Variants in TEPSIN observed in about 807,000 individuals in gnomAD.
The protein encoded by TEPSIN is TEPSIN adaptor related protein complex 4 accessory protein.
In TEPSIN, 50 loss-of-function variants were observed where a neutral mutation model predicts 48.5. That is an observed-to-expected ratio of 1.03 (90% CI 0.82 to 1.31). The LOEUF (loss-of-function observed/expected upper bound fraction) is 1.31, where lower values mean the gene tolerates loss of function less well. Ranked by LOEUF, TEPSIN falls within the 50% of genes most tolerant of loss-of-function variation. The probability of loss-of-function intolerance (pLI) is 0.00; values close to 1 mark genes in which losing one functional copy is unlikely to be tolerated. For missense variants in TEPSIN, 838 were observed against 815.9 expected, an observed-to-expected ratio of 1.03 and a Z score of -0.33; for synonymous variants, 392 against 358.8, an observed-to-expected ratio of 1.09 and a Z score of -1.05.
At position 81,233,870 on chromosome 17, in the gene TEPSIN, A is replaced by G. The variant is rs2062671664; in HGVS notation, c.375+111T>C. ...GTGTCCACCAGCAAGGAGCAGAGGCAGGGGTCCCGGATGGGAGAACTGCAA... is the reference window on the plus strand; with the variant it reads ...GTGTCCACCAGCAAGGAGCAGAGGCGGGGGTCCCGGATGGGAGAACTGCAA... On this transcript the variant is annotated intron_variant, in intron 5 of 12. Coordinates refer to ENST00000637944, the MANE Select transcript of TEPSIN (RefSeq NM_001363764.2). This position sits in a 1 kb window ranked among gnomAD's most constrained non-coding sequence, Gnocchi z 5.8. 1.4e-6 allele frequency: 2 copies of G among 1,385,834 alleles called. No homozygotes were observed. Among genetic ancestry groups the G allele is most frequent in the African/African-American group, 1.5e-5 (1 of 68,554 alleles). The allele number at this position is 1,385,834 out of a possible 1,614,324, so 85.8% of individuals were successfully genotyped here.
Position 81,233,936 on chromosome 17 carries a change from CA to C in TEPSIN, c.375+44del, listed in dbSNP as rs748010432. 6.4e-7 allele frequency: 1 copy of C among 1,570,974 alleles called. No homozygotes were observed. ...TCCTGGCCCCAATCCCACCCCTCTA[CA>C]GGAGGAGGGGCACCCCGCAGAGCGA... On this transcript the variant is annotated intron_variant, in intron 5 of 12. Transcript: ENST00000637944. The surrounding 1 kb of genome is among the most constrained non-coding windows in gnomAD (Gnocchi z 5.8).
intron 9 of TEPSIN, 30 bp from the exon 10 acceptor site, chr17:81,231,721 G>A: frequency 6.2e-7 from 1 of 1,609,918 alleles, no homozygotes; most frequent in East Asian, 2.2e-5. Context: ...GGTCAAGGGT[G>A]AGTGGAGGCC....
intron 11 of TEPSIN, 180 bp downstream of exon 11, chr17:81,231,218 C>T: frequency 1.6e-6 from 1 of 638,048 alleles, no homozygotes; most frequent in South Asian, 1.9e-5. Context: ...CACAGGCATA[C>T]ATACACAGGC....
At chr17:81,236,647 G>A (rs1052298704) in intron 4 of TEPSIN, 61 bp downstream of exon 4, 98 of 1,486,572 alleles carry the variant, frequency 6.6e-5, no homozygotes, top group Non-Finnish European at 8.0e-5. Context: ...TGGAGGATCC[G>A]CCACCCTCCC....
At position 81,234,204 on chromosome 17, in the gene TEPSIN, A is replaced by G. The variant is rs753332356; in HGVS notation, c.308-156T>C. The G allele has an allele frequency of 7.1e-5, 41 of 581,390 alleles. No homozygotes were observed. The highest frequency in any genetic ancestry group is 1.2e-4 in the Non-Finnish European group (39 of 338,872). 36.0% of individuals were successfully genotyped at this position (581,390 alleles called of 1,614,324 possible). ...GGGATGCCCTCCTCCAGGACCCTGC[A>G]GAGGCCACACCTGAGCAGACCCTCA... On this transcript the variant is annotated intron_variant, in intron 4 of 12. Transcript: ENST00000637944. This position sits in a 1 kb window ranked among gnomAD's most constrained non-coding sequence, Gnocchi z 5.4.
rs1199208494 is a variant in TEPSIN at position 81,234,135 on chromosome 17, G to C, written c.308-87C>G. On this transcript the variant is annotated intron_variant, in intron 4 of 12. Transcript: ENST00000637944. The surrounding 1 kb of genome is among the most constrained non-coding windows in gnomAD (Gnocchi z 5.4). ...AGCACGGTGCCCTGGGCCCACTCCAGGGTGGCAAGTTCCTGCCACCAAGGC... is the reference window on the plus strand; with the variant it reads ...AGCACGGTGCCCTGGGCCCACTCCACGGTGGCAAGTTCCTGCCACCAAGGC... The C allele has an allele frequency of 1.3e-5, 16 of 1,279,100 alleles. No individual in the cohort carries two copies. Among genetic ancestry groups the C allele is most frequent in the Non-Finnish European group, 1.6e-5 (15 of 955,900 alleles). The allele number at this position is 1,279,100 out of a possible 1,614,324, so 79.2% of individuals were successfully genotyped here.
At position 81,228,550 on chromosome 17, in the gene TEPSIN, G is replaced by C. The variant is rs926786324; in HGVS notation, c.*378C>G. 2 of 315,294 alleles carry C rather than the reference G, an allele frequency of 6.3e-6. No individual in the cohort carries two copies. Among genetic ancestry groups the C allele is most frequent in the South Asian group, 5.7e-5 (2 of 34,870 alleles). 19.5% of individuals were successfully genotyped at this position (315,294 alleles called of 1,614,324 possible). A position where few individuals can be genotyped will look rare whatever the true frequency, so the allele number is the denominator to read the frequency against. Reference sequence around the variant, plus strand: ...CCTAGCCCACCCCGATGGGACGGGGGAGCAGTGGCTTGTTGCTGCTCATGA... The same window carrying C: ...CCTAGCCCACCCCGATGGGACGGGGCAGCAGTGGCTTGTTGCTGCTCATGA... On this transcript the variant is annotated 3_prime_UTR_variant, in exon 13 of 13. Transcript: ENST00000637944.
In TEPSIN at chr17:81,233,505, T is replaced by C. The variant is rs1460065998; in HGVS notation, c.455-2A>G. 6.3e-7 allele frequency: 1 copy of C among 1,595,676 alleles called. No homozygotes were observed. Among genetic ancestry groups the C allele is most frequent in the African/African-American group, 1.3e-5 (1 of 74,380 alleles). ...GCGGCCTGGCCTGGGAGCCCATGCC[T>C]GCAGAGGGTCCTCCGTTAGCAGCAA... On this transcript the variant is annotated splice_acceptor_variant, in intron 6 of 12. Coordinates refer to ENST00000637944, the MANE Select transcript of TEPSIN (RefSeq NM_001363764.2). LOFTEE classifies it high-confidence loss of function. The surrounding 1 kb of genome is among the most constrained non-coding windows in gnomAD (Gnocchi z 5.8).
rs755568105 is a variant in TEPSIN at position 81,233,598 on chromosome 17, C to G, written c.454+40G>C. On this transcript the variant is annotated intron_variant, in intron 6 of 12. Coordinates refer to ENST00000637944, the MANE Select transcript of TEPSIN (RefSeq NM_001363764.2). This position sits in a 1 kb window ranked among gnomAD's most constrained non-coding sequence, Gnocchi z 5.8. ...CCCAGGACACTCAAGGAGGCAGAAA[C>G]CAGGTGCCAGAGCTGGACACGGTCC... 2 of 1,575,142 alleles carry G rather than the reference C, an allele frequency of 1.3e-6. No individual in the cohort carries two copies. The highest frequency in any genetic ancestry group is 2.3e-5 in the South Asian group (2 of 85,714).
In TEPSIN at chr17:81,233,242, C is replaced by T; in HGVS notation, c.526+190G>A. On this transcript the variant is annotated intron_variant, in intron 7 of 12. Transcript: ENST00000637944. This position sits in a 1 kb window ranked among gnomAD's most constrained non-coding sequence, Gnocchi z 5.8. ...CATCTGTCCATAAAGCAGCCCTGGCCACACCTGCCCCACCCCCACGTCAGC... is the reference window on the plus strand; with the variant it reads ...CATCTGTCCATAAAGCAGCCCTGGCTACACCTGCCCCACCCCCACGTCAGC... The T allele has an allele frequency of 1.5e-6, 1 of 683,198 alleles. No homozygotes were observed. Among genetic ancestry groups the T allele is most frequent in the African/African-American group, 1.8e-5 (1 of 55,188 alleles). 42.3% of individuals were successfully genotyped at this position (683,198 alleles called of 1,614,324 possible). A position where few individuals can be genotyped will look rare whatever the true frequency, so the allele number is the denominator to read the frequency against.
At chr17:81,235,429 C>T (rs1045368837) in intron 4 of TEPSIN, among the ~76,000 whole-genome samples, 2 of 152,230 alleles carry the variant, frequency 1.3e-5, no homozygotes, top group Non-Finnish European at 2.9e-5. Context: ...CCTGACACCT[C>T]CCACAGCCTG....
Position 81,236,548 on chromosome 17 carries a change from G to A in TEPSIN, c.307+160C>T, listed in dbSNP as rs575602377. The A allele has an allele frequency of 5.9e-4, 462 of 780,120 alleles. 2 individuals carry two copies. The highest frequency in any genetic ancestry group is 5.2e-3 in the African/African-American group (299 of 57,768). 48.3% of individuals were successfully genotyped at this position (780,120 alleles called of 1,614,324 possible). On this transcript the variant is annotated intron_variant, in intron 4 of 12. Coordinates refer to ENST00000637944, the MANE Select transcript of TEPSIN (RefSeq NM_001363764.2). ...GTGAGGGTGGGCAGCAGGTGGAGAG[G>A]CCAGAGATGGGCCAGGATCAGCAAG...
Position 81,230,936 on chromosome 17 carries a change from C to CTTCACCGCCTTACACCCCAGCAA in TEPSIN, c.1099-259_1099-258insTTGCTGGGGTGTAAGGCGGTGAA. 1.8e-6 allele frequency: 1 copy of CTTCACCGCCTTACACCCCAGCAA among 545,154 alleles called. No homozygotes were observed. The highest frequency in any genetic ancestry group is 3.2e-6 in the Non-Finnish European group (1 of 312,448). 33.8% of individuals were successfully genotyped at this position (545,154 alleles called of 1,614,324 possible). ...GTCTTCACCGCCTTACACCCCAGCTCCCGGACACCAGAGCCATGTCCTCCC... is the reference window on the plus strand; with the variant it reads ...GTCTTCACCGCCTTACACCCCAGCTCTTCACCGCCTTACACCCCAGCAACCGGACACCAGAGCCATGTCCTCCC... On this transcript the variant is annotated intron_variant, in intron 11 of 12. Coordinates refer to ENST00000637944, the MANE Select transcript of TEPSIN (RefSeq NM_001363764.2). The surrounding 1 kb of genome is among the most constrained non-coding windows in gnomAD (Gnocchi z 4.2).
Position 81,228,457 on chromosome 17 carries a change from G to C in TEPSIN, c.*471C>G, listed in dbSNP as rs1036090883. The C allele has an allele frequency of 8.7e-6, 2 of 230,294 alleles. No individual in the cohort carries two copies. The highest frequency in any genetic ancestry group is 1.5e-3 in the Middle Eastern group (1 of 650). 14.3% of individuals were successfully genotyped at this position (230,294 alleles called of 1,614,324 possible). ...GGATCTGAGACTTGAAATGGCCTCA[G>C]GCCAGACAGCACAAGGCAGCCCGGA... On this transcript the variant is annotated 3_prime_UTR_variant, in exon 13 of 13. Transcript: ENST00000637944.
chr17:81,236,275 G>A (rs1193015124), intron 4 of TEPSIN, among the ~76,000 whole-genome samples: 1 of 152,216 alleles, frequency 6.6e-6, no homozygotes, highest in Non-Finnish European at 1.5e-5. Flanking sequence ...CTTGGGCTCC[G>A]AGGAGCAGCC....
At chr17:81,237,496 C>T in intron 1 of TEPSIN, 37 bp from the exon 2 acceptor site, 3 of 1,578,114 alleles carry the variant, frequency 1.9e-6, no homozygotes, top group Non-Finnish European at 2.6e-6. Context: ...TGATGAGGTG[C>T]CATTTCCCAC....
rs895959591 is a variant in TEPSIN, at chr17:81,234,873, G to C, written c.308-825C>G. Among the ~76,000 whole-genome samples, 12 of 152,118 alleles carry C rather than the reference G, an allele frequency of 7.9e-5. No homozygotes were observed. The highest frequency in any genetic ancestry group is 1.6e-4 in the Non-Finnish European group (11 of 68,024). Reference sequence around the variant, plus strand: ...GCAGGAGCATCACCATCTTGGACAAGCCCCTCATTCTAAAGTTCACCTTAA... The same window carrying C: ...GCAGGAGCATCACCATCTTGGACAACCCCCTCATTCTAAAGTTCACCTTAA... On this transcript the variant is annotated intron_variant, in intron 4 of 12. Coordinates refer to ENST00000637944, the MANE Select transcript of TEPSIN (RefSeq NM_001363764.2). The surrounding 1 kb of genome is among the most constrained non-coding windows in gnomAD (Gnocchi z 5.4).
Position 81,228,638 on chromosome 17 carries a change from A to C in TEPSIN, c.*290T>G. On this transcript the variant is annotated 3_prime_UTR_variant, in exon 13 of 13. Transcript: ENST00000637944. ...TAAGGAACCTGGTAGTCGCTTCCGCATTCATACAAGAAACCTCATGTCTGA... is the reference window on the plus strand; with the variant it reads ...TAAGGAACCTGGTAGTCGCTTCCGCCTTCATACAAGAAACCTCATGTCTGA... The C allele has an allele frequency of 4.0e-6, 2 of 495,824 alleles. No homozygotes were observed. Among genetic ancestry groups the C allele is most frequent in the Middle Eastern group, 5.3e-4 (1 of 1,890 alleles). The allele number at this position is 495,824 out of a possible 1,614,324, so 30.7% of individuals were successfully genotyped here.
In TEPSIN at chr17:81,230,677, C is replaced by G. The variant is rs766824304; in HGVS notation, c.1100G>C (p.Arg367Thr). The change falls in exon 12 of 13, where the codon AGG becomes ACG. Residue 367 changes from arginine (R) to threonine (T), a missense_variant and splice_region_variant. By Grantham distance (71) the Arg-to-Thr change is moderately conservative. Coordinates refer to ENST00000637944, the MANE Select transcript of TEPSIN (RefSeq NM_001363764.2). This position sits in a 1 kb window ranked among gnomAD's most constrained non-coding sequence, Gnocchi z 4.2. ...CAGGGAGGCGATGGCACACAGCGCC[C>G]TCTGCGGGTGAAGGGAGGGGACATC... ...LRGTSECTQLRALCAIASLGS... is the reference protein window; with the variant it reads ...LRGTSECTQLTALCAIASLGS... 15 of 1,541,638 alleles carry G rather than the reference C, an allele frequency of 9.7e-6. No individual in the cohort carries two copies. The highest frequency in any genetic ancestry group is 8.8e-6 in the Non-Finnish European group (10 of 1,141,772).
Sources: gnomAD v4.1 joint callset for allele counts (sites outside exome capture counted in the v4.1 genomes callset) on GRCh38, gnomAD v4.1.1 for gene constraint, Gnocchi (gnomAD v3.1) non-coding constraint, MANE v1.5 for transcripts, NCBI Gene and HGNC (gene_info 2026-07-23, HGNC 2026-07-21) for gene names.